The following CAMK2B variants were observed in gnomAD, a reference collection of about 807,000 sequenced individuals.
CAMK2B encodes the protein calcium/calmodulin-dependent protein kinase type II subunit beta.
In CAMK2B, 27 loss-of-function variants were observed where a neutral mutation model predicts 93.7. That is an observed-to-expected ratio of 0.29 (90% confidence interval 0.21 to 0.40). The LOEUF is 0.40. CAMK2B is among the 10% of genes least tolerant of loss of function. The pLI, the probability that CAMK2B is intolerant of heterozygous loss-of-function variation, is 1.00. For missense variants in CAMK2B, 568 were observed against 895.8 expected (o/e 0.63, Z 4.67); for synonymous variants, 374 against 358.8 (o/e 1.04, Z -0.48).
chr7:44,298,562 T>G (rs565180943), intron 1 of CAMK2B, among the ~76,000 whole-genome samples: 1 of 152,316 alleles, frequency 6.6e-6, no homozygotes, highest in East Asian at 1.9e-4. Flanking sequence ...AAAATTTTTG[T>G]GCATCAAAGG....
In CAMK2B at chr7:44,220,202, G is replaced by C. The variant is rs761209172; in HGVS notation, c.1861C>G (p.Arg621Gly). Reference sequence around the variant, plus strand: ...TGCCCGTCAATGTACTGCGTGAGCCGGATGTAAGCGATGCAGGCGGCATCC... The same window carrying C: ...TGCCCGTCAATGTACTGCGTGAGCCCGATGTAAGCGATGCAGGCGGCATCC... ...GEDAACIAYI[R>G]LTQYIDGQGR... The change falls in exon 23 of 24, where the codon CGG becomes GGG. Residue 621 changes from arginine (R) to glycine (G), a missense_variant. Physicochemically the swap from Arg to Gly is moderately radical, Grantham distance 125. This residue lies in a region of CAMK2B where 116 missense variants were observed against 188.0 expected (regional missense o/e 0.62). Coordinates refer to ENST00000395749, the MANE Select transcript of CAMK2B (RefSeq NM_001220.5). The C allele has an allele frequency of 1.2e-6, 2 of 1,613,276 alleles. No homozygotes were observed.
intron 2 of CAMK2B, among the ~76,000 whole-genome samples, chr7:44,279,483 T>C (rs1356542242): frequency 1.3e-5 from 2 of 152,198 alleles, no homozygotes. Flanking sequence ...CAGAGAGGCA[T>C]CCTGCGGGAA....
chr7:44,325,322 T>C (rs1320569734), intron 1 of CAMK2B, 35 bp downstream of exon 1: 2 of 1,185,322 alleles, frequency 1.7e-6, no homozygotes, highest in South Asian at 1.8e-5. Context: ...CCCTCTGGGG[T>C]CCCCGGCCCA....
chr7:44,294,762 A>G (rs996170143), intron 1 of CAMK2B, among the ~76,000 whole-genome samples: 1 of 152,092 alleles, frequency 6.6e-6, no homozygotes, highest in Non-Finnish European at 1.5e-5. Context: ...TTGTATGGCA[A>G]TTCTATGGGG....
intron 13 of CAMK2B, among the ~76,000 whole-genome samples, chr7:44,236,497 C>T (rs1333518557): frequency 2.6e-5 from 4 of 152,328 alleles, no homozygotes; most frequent in Admixed American, 1.3e-4. Context: ...CTGAGCACAG[C>T]GCCACCTCCC....
chr7:44,225,661 T>C lies in CAMK2B; in HGVS notation c.1597+855A>G. ...CGAGCCGCTGCTCCTGTGGGTTCACTCTCCCCACACCCTTCTGCCCTGGCC... is the reference window on the plus strand; with the variant it reads ...CGAGCCGCTGCTCCTGTGGGTTCACCCTCCCCACACCCTTCTGCCCTGGCC... On this transcript the variant is annotated intron_variant, in intron 20 of 23. Coordinates refer to ENST00000395749, the MANE Select transcript of CAMK2B (RefSeq NM_001220.5). The surrounding 1 kb of genome is among the most constrained non-coding windows in gnomAD (Gnocchi z 5.0). 1 of 1,123,780 alleles carries C rather than the reference T, an allele frequency of 8.9e-7. No individual in the cohort carries two copies. Among genetic ancestry groups the C allele is most frequent in the Non-Finnish European group, 1.2e-6 (1 of 842,060 alleles). 69.6% of individuals were successfully genotyped at this position (1,123,780 alleles called of 1,614,324 possible).
At chr7:44,260,436 G>A (rs1562939878) in intron 3 of CAMK2B, among the ~76,000 whole-genome samples, 1 of 152,170 alleles carries the variant, frequency 6.6e-6, no homozygotes, top group African/African-American at 2.4e-5. Context: ...CCTCCACCAA[G>A]GGCAGGCCAG....
At chr7:44,240,813 G>C in intron 11 of CAMK2B, 64 bp from the exon 12 acceptor site, 1 of 1,545,554 alleles carries the variant, frequency 6.5e-7, no homozygotes, top group Non-Finnish European at 8.9e-7. Context: ...CTTCTGGCCA[G>C]GATAAGACCC....
chr7:44,285,376 G>A (rs1784769636), intron 1 of CAMK2B, among the ~76,000 whole-genome samples: 1 of 152,158 alleles, frequency 6.6e-6, no homozygotes, highest in South Asian at 2.1e-4. Context: ...CCACCAGGTG[G>A]GCACCCACCC....
At chr7:44,285,550 G>A (rs958294773) in intron 1 of CAMK2B, among the ~76,000 whole-genome samples, 8 of 152,200 alleles carry the variant, frequency 5.3e-5, no homozygotes, top group African/African-American at 1.7e-4. Context: ...TGGAAGAGGA[G>A]CGTCTTACAT....
chr7:44,323,283 G>GATGCCAGGCCCCACTCCTCACCTCGCA (rs1360084714), intron 1 of CAMK2B, among the ~76,000 whole-genome samples: 40 of 152,370 alleles, frequency 2.6e-4, no homozygotes, highest in African/African-American at 9.6e-4. Flanking sequence ...GGCTCCCCTC[G>GATGCCAGGCCCCACTCCTCACCTCGCA]ATGCCAGGCC....
chr7:44,252,885 G>A (rs917342342), intron 5 of CAMK2B, among the ~76,000 whole-genome samples: 2 of 152,192 alleles, frequency 1.3e-5, no homozygotes, highest in Admixed American at 1.3e-4. Flanking sequence ...TCCACTCCAA[G>A]GGCACAGGCC....
intron 2 of CAMK2B, among the ~76,000 whole-genome samples, chr7:44,279,840 G>A (rs575978045): frequency 1.3e-5 from 2 of 152,290 alleles, no homozygotes; most frequent in African/African-American, 4.8e-5. Flanking sequence ...ACATACTCGG[G>A]TAGTTTTCTG....
At chr7:44,244,298 G>A (rs533151597) in intron 6 of CAMK2B, among the ~76,000 whole-genome samples, 30 of 152,266 alleles carry the variant, frequency 2.0e-4, no homozygotes, top group African/African-American at 6.3e-4. Flanking sequence ...TTGCAGCAGC[G>A]GCCAAGGAGG....
In CAMK2B at chr7:44,243,487, G is replaced by A; in HGVS notation, c.455C>T (p.Ala152Val). The change falls in exon 7 of 24, where the codon GCA (alanine) becomes GTA (valine). Residue 152 changes from alanine to valine, a missense_variant. Physicochemically the swap from Ala to Val is moderately conservative, Grantham distance 64 (BLOSUM62 0). This residue lies in a region of CAMK2B where 105 missense variants were observed against 372.4 expected (regional missense o/e 0.28). Coordinates refer to ENST00000395749, the MANE Select transcript of CAMK2B (RefSeq NM_001220.5). ...LLLASKCKGAAVKLADFGLAI... is the reference protein window; with the variant it reads ...LLLASKCKGAVVKLADFGLAI... ...TAGGCCGAAGTCTGCCAGCTTCACT[G>A]CAGCCCCTTTGCACTTGCTGGCCAG... 6.2e-7 allele frequency: 1 copy of A among 1,614,056 alleles called. No homozygotes were observed. Among genetic ancestry groups the A allele is most frequent in the Non-Finnish European group, 8.5e-7 (1 of 1,180,012 alleles).
At chr7:44,293,457 G>A (rs191917855) in intron 1 of CAMK2B, among the ~76,000 whole-genome samples, 24 of 152,238 alleles carry the variant, frequency 1.6e-4, no homozygotes, top group East Asian at 5.8e-4. Flanking sequence ...CAGCCAGATC[G>A]AGTTTGTACA....
intron 23 of CAMK2B, 128 bp from the exon 24 acceptor site, chr7:44,219,650 T>C (rs75398748): frequency 4.9e-6 from 1 of 202,344 alleles, no homozygotes; most frequent in Non-Finnish European, 9.9e-6. Context: ...GGGAGAGAGG[T>C]TCAAGGTGCC....
chr7:44,266,667 G>A (rs928413512), intron 2 of CAMK2B, among the ~76,000 whole-genome samples: 1 of 152,162 alleles, frequency 6.6e-6, no homozygotes, highest in Non-Finnish European at 1.5e-5. Context: ...GAACACAGCC[G>A]GAAGTCTGCC....
chr7:44,323,623 A>G (rs966101246), intron 1 of CAMK2B, among the ~76,000 whole-genome samples: 1 of 152,234 alleles, frequency 6.6e-6, no homozygotes, highest in South Asian at 2.1e-4. Context: ...CTGCAGTCTG[A>G]GGACACTGGG....
Sources: gnomAD v4.1 joint callset for allele counts (sites outside exome capture counted in the v4.1 genomes callset) on GRCh38, gnomAD v4.1.1 for gene constraint, gnomAD v4.1.1 regional missense constraint, Gnocchi (gnomAD v3.1) non-coding constraint, MANE v1.5 for transcripts, NCBI Gene and HGNC (gene_info 2026-07-23, HGNC 2026-07-21) for gene names.